EGFL6: variants seen among roughly 807,000 people sequenced by gnomAD.
The protein encoded by EGFL6 is epidermal growth factor-like protein 6.
A neutral mutation model predicts 43.1 loss-of-function variants in EGFL6; 42 were observed. The ratio of observed to expected loss-of-function variants is 0.98; its 90% CI spans 0.76 to 1.26. The LOEUF is 1.26. EGFL6 is among the 50% of genes most tolerant of loss of function. The probability of loss-of-function intolerance (pLI) is 0.00; values close to 1 mark genes in which losing one functional copy is unlikely to be tolerated. For missense variants in EGFL6, 429 were observed against 427.8 expected (o/e 1.00, Z -0.02); for synonymous variants, 164 against 163.2 (o/e 1.01, Z -0.04).
chrX:13,589,460 C>G, intron 1 of EGFL6, 96 bp from the exon 2 acceptor site: 1 of 701,013 alleles, frequency 1.4e-6, no homozygotes. Flanking sequence ...TGAAATTAAC[C>G]AGGTAATTGA....
In EGFL6 at chrX:13,594,917, C is replaced by A. The variant is rs1192776628; in HGVS notation, c.269C>A (p.Thr90Asn). Residue 90 changes from threonine to asparagine, a missense_variant, in exon 3 of 12, where the codon ACC becomes AAC. By Grantham distance (65) the Thr-to-Asn change is moderately conservative (BLOSUM62 0). Coordinates refer to ENST00000361306, the MANE Select transcript of EGFL6 (RefSeq NM_015507.4). ...TGCTTTCCAGGATACACCGGGAAAA[C>A]CTGCAGTCAAGGTCAGTAAGGTAGC... ...CRCFPGYTGK[T>N]CSQDVNECGM... 1 of 1,207,438 alleles carries A rather than the reference C, an allele frequency of 8.3e-7. No individual in the cohort carries two copies. The highest frequency in any genetic ancestry group is 1.1e-6 in the Non-Finnish European group (1 of 892,196).
intron 7 of EGFL6, among the ~76,000 whole-genome samples, chrX:13,615,226 C>A (rs1377766084): frequency 2.7e-5 from 3 of 112,626 alleles, no homozygotes; most frequent in African/African-American, 9.7e-5. Context: ...TGTTTACATA[C>A]TAAGAGAATG....
At chrX:13,578,677 G>A (rs1216303858) in intron 1 of EGFL6, among the ~76,000 whole-genome samples, 1 of 110,697 alleles carries the variant, frequency 9.0e-6, no homozygotes, top group Non-Finnish European at 1.9e-5. Flanking sequence ...ACTATCGCAA[G>A]GACAAAAAAC....
Position 13,613,873 on chromosome X carries a change from T to C in EGFL6, c.779-3857T>C, listed in dbSNP as rs926322237. On this transcript the variant is annotated intron_variant, in intron 7 of 11. Coordinates refer to ENST00000361306, the MANE Select transcript of EGFL6 (RefSeq NM_015507.4). ...TTTGTAGGGTGTGTATTCAAGAATATGGGTTTTGCTACAACCAGGCCATCC... is the reference window on the plus strand; with the variant it reads ...TTTGTAGGGTGTGTATTCAAGAATACGGGTTTTGCTACAACCAGGCCATCC... Among the ~76,000 whole-genome samples the C allele has an allele frequency of 2.7e-5, 3 of 112,023 alleles. No homozygotes were observed. The South Asian group carries it at 1.1e-3, about 42-fold the overall frequency.
intron 10 of EGFL6, among the ~76,000 whole-genome samples, chrX:13,625,987 A>T (rs751122016): frequency 9.0e-6 from 1 of 111,359 alleles, no homozygotes; most frequent in African/African-American, 3.3e-5. Flanking sequence ...AGCGGACTTT[A>T]TCTGGGAGAG....
chrX:13,628,958 T>C (rs1877650782), intron 11 of EGFL6, among the ~76,000 whole-genome samples: 1 of 113,106 alleles, frequency 8.8e-6, no homozygotes, highest in Non-Finnish European at 1.9e-5. Context: ...ACTTTGCTTG[T>C]GAAAGATGAC....
chrX:13,632,873 C>T lies in EGFL6; in HGVS notation c.1552-112C>T, dbSNP rs2045820888. 1.1e-5 allele frequency: 7 copies of T among 660,615 alleles called. No individual in the cohort carries two copies. The Middle Eastern group carries it at 9.4e-4, about 89-fold the overall frequency. The allele number at this position is 660,615 out of a possible 1,213,427, so 54.4% of individuals were successfully genotyped here. On this transcript the variant is annotated intron_variant, in intron 11 of 11. Coordinates refer to ENST00000361306, the MANE Select transcript of EGFL6 (RefSeq NM_015507.4). ...TAATCTATTACAGTATATTCAATGT[C>T]GAAGCCGGTTTCTATGAAATAGGGA...
intron 4 of EGFL6, among the ~76,000 whole-genome samples, chrX:13,602,795 A>G (rs2045640682): frequency 8.9e-6 from 1 of 112,480 alleles, no homozygotes; most frequent in Admixed American, 9.4e-5. Context: ...AGAAGAGTCC[A>G]GAATGGCTTT....
At position 13,621,956 on chromosome X, in the gene EGFL6, A is replaced by G. The variant is rs142754393; in HGVS notation, c.1184-1868A>G. Among the ~76,000 whole-genome samples the G allele has an allele frequency of 8.0e-5, 9 of 112,194 alleles. No homozygotes were observed. The East Asian group carries it at 2.5e-3, about 31-fold the overall frequency. On this transcript the variant is annotated intron_variant, in intron 9 of 11. Transcript: ENST00000361306. Reference sequence around the variant, plus strand: ...TTGCTATATACTATTCCATCATCCCAATTTACACACTCGCTTTCCCCATGT... The same window carrying G: ...TTGCTATATACTATTCCATCATCCCGATTTACACACTCGCTTTCCCCATGT...
intron 3 of EGFL6, among the ~76,000 whole-genome samples, chrX:13,596,781 G>T (rs1178701804): frequency 8.9e-6 from 1 of 112,065 alleles, no homozygotes; most frequent in Non-Finnish European, 1.9e-5. Flanking sequence ...GGTGCTACTG[G>T]TGTCTAATGG....
At position 13,608,546 on chromosome X, in the gene EGFL6, G is replaced by A. The variant is rs1413611100; in HGVS notation, c.778+100G>A. The A allele has an allele frequency of 1.1e-5, 11 of 1,012,058 alleles. No individual in the cohort carries two copies. In the South Asian group the frequency reaches 1.3e-4, roughly 12 times the overall value. The allele number at this position is 1,012,058 out of a possible 1,213,427, so 83.4% of individuals were successfully genotyped here. ...TTTCTCTCCTTTCTTTGTCTTCCTC[G>A]CCTTCTCCCTCTCCCTTACTCTCAC... On this transcript the variant is annotated intron_variant, in intron 7 of 11. Transcript: ENST00000361306.
At chrX:13,578,257 A>G (rs916430629) in intron 1 of EGFL6, among the ~76,000 whole-genome samples, 1 of 109,665 alleles carries the variant, frequency 9.1e-6, no homozygotes, top group African/African-American at 3.3e-5. Flanking sequence ...TAGAATGGCA[A>G]TCATTAAAAA....
In EGFL6 at chrX:13,608,380, A is replaced by C; in HGVS notation, c.712A>C (p.Asn238His). ...GTGCAGCCACCATGCCAATTGCTTC[A>C]ATACCCAAGGGTCCTTCAAGTGTAA... ...HTCSHHANCF[N>H]TQGSFKCKCK... Residue 238 changes from asparagine (N) to histidine (H), a missense_variant, in exon 7 of 12, where the codon AAT becomes CAT. Asn to His is a moderately conservative substitution (Grantham distance 68). Transcript: ENST00000361306. 1 of 1,211,659 alleles carries C rather than the reference A, an allele frequency of 8.3e-7. No homozygotes were observed. Among genetic ancestry groups the C allele is most frequent in the Non-Finnish European group, 1.1e-6 (1 of 895,351 alleles).
intron 1 of EGFL6, among the ~76,000 whole-genome samples, chrX:13,571,228 A>C (rs1053540199): frequency 6.4e-5 from 7 of 109,485 alleles, no homozygotes; most frequent in South Asian, 4.1e-4. Context: ...GAAATTTTTC[A>C]GTGATGATTC....
intron 5 of EGFL6, 105 bp from the exon 6 acceptor site, chrX:13,606,271 CTAT>C: frequency 1.2e-6 from 1 of 861,543 alleles, no homozygotes; most frequent in Non-Finnish European, 1.7e-6. Context: ...CACCAGTATA[CTAT>C]TATCAGTTTC....
intron 1 of EGFL6, among the ~76,000 whole-genome samples, chrX:13,577,693 C>A (rs1433508290): frequency 9.0e-6 from 1 of 111,435 alleles, no homozygotes; most frequent in Non-Finnish European, 1.9e-5. Flanking sequence ...TAGATACATA[C>A]CTGCAAAAAG....
chrX:13,631,410 T>C (rs2045809886), intron 11 of EGFL6, among the ~76,000 whole-genome samples: 1 of 112,393 alleles, frequency 8.9e-6, no homozygotes, highest in South Asian at 3.6e-4. Context: ...TTATTGAATT[T>C]AACAAATATT....
intron 11 of EGFL6, among the ~76,000 whole-genome samples, chrX:13,629,295 G>A (rs187182682): frequency 8.9e-6 from 1 of 112,502 alleles, no homozygotes; most frequent in African/African-American, 3.2e-5. Context: ...CCCTGCTGGA[G>A]AATTGAAACA....
chrX:13,610,696 T>C (rs1298121159), intron 7 of EGFL6, among the ~76,000 whole-genome samples: 1 of 111,518 alleles, frequency 9.0e-6, no homozygotes, highest in Non-Finnish European at 1.9e-5. Flanking sequence ...GCCACCAAAT[T>C]TGAACATGCA....
Sources: allele counts gnomAD v4.1 joint callset (sites outside exome capture counted in the v4.1 genomes callset), GRCh38; gene constraint gnomAD v4.1.1; transcripts MANE v1.5; gene names NCBI Gene and HGNC (gene_info 2026-07-23, HGNC 2026-07-21).